SIDT1: variants seen among roughly 807,000 people sequenced by gnomAD.
SIDT1 encodes the protein SID1 transmembrane family, member 1.
SIDT1 carries 101 observed loss-of-function variants against 107.5 expected under a neutral mutation model. The observed-to-expected ratio is 0.94, with a 90% CI of 0.80 to 1.11. The LOEUF is 1.11. Ranked by LOEUF, SIDT1 falls within the 50% of genes least tolerant of loss-of-function variation. The pLI, the probability that SIDT1 is intolerant of heterozygous loss-of-function variation, is 0.00. For missense variants in SIDT1, 1,076 were observed against 1,058.2 expected (o/e 1.02, Z -0.23); for synonymous variants, 395 against 398.2 (o/e 0.99, Z 0.10).
At chr3:113,533,670 C>T (rs1937744024) in intron 1 of SIDT1, among the ~76,000 whole-genome samples, 1 of 152,216 alleles carries the variant, frequency 6.6e-6, no homozygotes, top group Admixed American at 6.5e-5. Context: ...CCTTCTATTT[C>T]ATAGCGCATG....
At chr3:113,566,344 G>A in intron 1 of SIDT1, 76 bp from the exon 2 acceptor site, 1 of 1,270,242 alleles carries the variant, frequency 7.9e-7, no homozygotes, top group Non-Finnish European at 1.1e-6. Flanking sequence ...GTGTTTGTGT[G>A]TGTGTGTGTG....
intron 7 of SIDT1, 63 bp from the exon 8 acceptor site, chr3:113,584,635 G>T (rs1265985739): frequency 1.7e-6 from 2 of 1,168,932 alleles, no homozygotes; most frequent in African/African-American, 1.6e-5. Context: ...TCAGACAAGA[G>T]ACCAAAAAAA....
intron 6 of SIDT1, 155 bp downstream of exon 6, chr3:113,581,599 G>GGATTA (rs1943351040): frequency 1.4e-5 from 9 of 640,188 alleles, no homozygotes; most frequent in Non-Finnish European, 2.5e-5. Context: ...CTGGCCAGGC[G>GGATTA]CAGTGGCTCA....
intron 1 of SIDT1, among the ~76,000 whole-genome samples, chr3:113,542,341 T>A (rs1939008004): frequency 6.6e-6 from 1 of 152,206 alleles, no homozygotes; most frequent in Non-Finnish European, 1.5e-5. Context: ...CAATACCTGA[T>A]TATCTTATTT....
At chr3:113,630,366 G>A (rs145928662), downstream of SIDT1, among the ~76,000 whole-genome samples, 4 of 152,076 alleles carry the variant, frequency 2.6e-5, no homozygotes, top group East Asian at 1.9e-4. Context: ...GGATTCGCCC[G>A]GTTTTATTTT....
At chr3:113,551,843 G>C (rs1368107429) in intron 1 of SIDT1, among the ~76,000 whole-genome samples, 3 of 151,946 alleles carry the variant, frequency 2.0e-5, no homozygotes, top group African/African-American at 7.3e-5. Context: ...GTGTGTGTGT[G>C]TGTGTGTGTG....
intron 14 of SIDT1, among the ~76,000 whole-genome samples, chr3:113,605,741 C>T (rs1945280892): frequency 6.6e-6 from 1 of 152,088 alleles, no homozygotes; most frequent in Non-Finnish European, 1.5e-5. Context: ...CGGTGGCTCA[C>T]ATCTGTAATC....
chr3:113,593,263 T>C (rs1944308132), intron 10 of SIDT1, among the ~76,000 whole-genome samples: 1 of 152,208 alleles, frequency 6.6e-6, no homozygotes, highest in African/African-American at 2.4e-5. Context: ...GGACTGGTAC[T>C]GATCCGTGGC....
intron 19 of SIDT1, among the ~76,000 whole-genome samples, chr3:113,615,717 A>G (rs965717111): frequency 2.0e-5 from 3 of 152,202 alleles, no homozygotes; most frequent in African/African-American, 7.2e-5. Flanking sequence ...TAGAGAGAGC[A>G]TGTGTTTTAA....
intron 1 of SIDT1, among the ~76,000 whole-genome samples, chr3:113,561,771 T>G (rs553387432): frequency 1.6e-4 from 24 of 152,316 alleles, no homozygotes; most frequent in Middle Eastern, 3.4e-3. Context: ...AGGGATTTGC[T>G]TTGCTAAAAA....
downstream of SIDT1, among the ~76,000 whole-genome samples, chr3:113,633,894 C>T (rs1290630801): frequency 6.6e-6 from 1 of 152,146 alleles, no homozygotes; most frequent in Admixed American, 6.5e-5. Context: ...ACAGAGACTA[C>T]TTACTACAGG....
chr3:113,566,263 A>G lies in SIDT1; in HGVS notation c.223-157A>G, dbSNP rs551854420. Among the ~76,000 whole-genome samples, 14 of 152,344 alleles carry G rather than the reference A, an allele frequency of 9.2e-5. No individual in the cohort carries two copies. In the East Asian group the frequency reaches 2.3e-3, roughly 25 times the overall value. ...AACTGGGGCATTTGGATTACCTATC[A>G]TGAGAAGCAAATATCAGAAATTAAA... On this transcript the variant is annotated intron_variant, in intron 1 of 24. Coordinates refer to ENST00000264852, the MANE Select transcript of SIDT1 (RefSeq NM_017699.3).
chr3:113,615,016 C>G (rs765573155), intron 19 of SIDT1: 2 of 1,533,568 alleles, frequency 1.3e-6, no homozygotes, highest in Admixed American at 2.0e-5. Context: ...CTTTCTTACA[C>G]GTCTCTCTTT....
Position 113,629,504 on chromosome 3 carries a change from T to G in SIDT1, c.*1796T>G, listed in dbSNP as rs1318782189. ...GTGAACTATGATTGTGCCCCTGCAC[T>G]CCAGCCTGGATGACAGAGTGAGACC... On this transcript the variant is annotated 3_prime_UTR_variant, in exon 25 of 25. Transcript: ENST00000264852. The G allele has an allele frequency of 6.6e-6, 1 of 152,196 alleles. No homozygotes were observed. The highest frequency in any genetic ancestry group is 1.5e-5 in the Non-Finnish European group (1 of 68,040). 9.4% of individuals were successfully genotyped at this position (152,196 alleles called of 1,614,324 possible).
intron 3 of SIDT1, 105 bp from the exon 4 acceptor site, chr3:113,576,817 G>C: frequency 8.4e-7 from 1 of 1,194,148 alleles, no homozygotes; most frequent in African/African-American, 1.5e-5. Context: ...AGCTCTCCTT[G>C]AGTCTACTTT....
chr3:113,618,307 C>A (rs932541300), intron 20 of SIDT1, among the ~76,000 whole-genome samples: 1 of 152,120 alleles, frequency 6.6e-6, no homozygotes, highest in Non-Finnish European at 1.5e-5. Flanking sequence ...GTGGGATGTG[C>A]CACGTTTATT....
chr3:113,540,497 T>C (rs1431647000), intron 1 of SIDT1, among the ~76,000 whole-genome samples: 3 of 152,244 alleles, frequency 2.0e-5, no homozygotes, highest in South Asian at 4.1e-4. Flanking sequence ...TCTTAGATTA[T>C]ATTTCATCAT....
In SIDT1 at chr3:113,533,104, C is replaced by T. The variant is rs1937646433; in HGVS notation, c.83C>T (p.Ser28Phe). The change falls in exon 1 of 25, where the codon TCC (serine) becomes TTC (phenylalanine). Residue 28 changes from serine (S) to phenylalanine (F), a missense_variant. Ser to Phe is a radical substitution (Grantham distance 155). Transcript: ENST00000264852. Reference sequence around the variant, plus strand: ...GCGTCGCCCGGGCACCCGGCGAAATCCCCCAGGCAGCCCCCGGCACCGCGC... The same window carrying T: ...GCGTCGCCCGGGCACCCGGCGAAATTCCCCAGGCAGCCCCCGGCACCGCGC... Reference protein sequence around the residue: ...LAASPGHPAKSPRQPPAPRRD... With the variant: ...LAASPGHPAKFPRQPPAPRRD... The T allele has an allele frequency of 6.5e-7, 1 of 1,535,358 alleles. No individual in the cohort carries two copies. The highest frequency in any genetic ancestry group is 8.8e-7 in the Non-Finnish European group (1 of 1,142,658).
At chr3:113,631,348 T>C (rs1947093563), downstream of SIDT1, among the ~76,000 whole-genome samples, 2 of 152,108 alleles carry the variant, frequency 1.3e-5, no homozygotes, top group African/African-American at 4.8e-5. Context: ...GACAAAACAG[T>C]CTCTGAAAGA....
Sources: gnomAD v4.1 joint callset for allele counts (sites outside exome capture counted in the v4.1 genomes callset) on GRCh38, gnomAD v4.1.1 for gene constraint, MANE v1.5 for transcripts, NCBI Gene and HGNC (gene_info 2026-07-23, HGNC 2026-07-21) for gene names.